Variants in KIF18B observed in about 807,000 individuals in gnomAD.
KIF18B encodes the protein kinesin family member 18B, also known as kinesin-like protein KIF18B.
Under a neutral mutation model 80.9 loss-of-function variants are expected in KIF18B, and 49 were observed. The observed-to-expected ratio is 0.61, with a 90% CI of 0.48 to 0.77. KIF18B has a LOEUF of 0.77. Among genes scored for constraint, KIF18B ranks in the 30% least tolerant of loss-of-function variants. The pLI is 0.00. For synonymous variants in KIF18B, 439 were observed against 463.9 expected (o/e 0.95, Z 0.69); for missense variants, 994 against 1,127.7 (o/e 0.88, Z 1.70).
intron 11 of KIF18B, among the ~76,000 whole-genome samples, chr17:44,929,876 G>A (rs2052110809): frequency 6.6e-6 from 1 of 152,126 alleles, no homozygotes; most frequent in African/African-American, 2.4e-5. Flanking sequence ...AAATGATGAA[G>A]GTAATGAGAT....
At chr17:44,933,148 C>T (rs548065284) in intron 7 of KIF18B, among the ~76,000 whole-genome samples, 162 bp from the exon 8 acceptor site, 31 of 152,222 alleles carry the variant, frequency 2.0e-4, no homozygotes, top group African/African-American at 7.2e-4. Flanking sequence ...TGCCTGAGAC[C>T]ACAGCGAGGG....
At chr17:44,936,626 T>TATA (rs2052316933) in intron 1 of KIF18B, among the ~76,000 whole-genome samples, 2 of 16,202 alleles carry the variant, frequency 1.2e-4, no homozygotes, top group Admixed American at 1.1e-3. Flanking sequence ...ATATATATAT[T>TATA]TTTTTTTTTT....
chr17:44,926,625 A>C, intron 14 of KIF18B, 126 bp from the exon 15 acceptor site: 3 of 920,960 alleles, frequency 3.3e-6, no homozygotes, highest in Middle Eastern at 4.4e-4. Flanking sequence ...GGGCACCAGC[A>C]GGAGCTTCCA....
chr17:44,945,721 A>G (rs1021698518), intron 1 of KIF18B, among the ~76,000 whole-genome samples: 34 of 151,922 alleles, frequency 2.2e-4, no homozygotes, highest in African/African-American at 7.5e-4. Flanking sequence ...CCTGGCCAAC[A>G]CGGTGAAACC....
intron 1 of KIF18B, among the ~76,000 whole-genome samples, chr17:44,939,908 G>C (rs1195307535): frequency 6.6e-6 from 1 of 152,110 alleles, no homozygotes; most frequent in African/African-American, 2.4e-5. Flanking sequence ...CGCCTCCCAG[G>C]TTCTCTTGCC....
rs887473105 is a variant in KIF18B, at chr17:44,927,362, G to A, written c.2277-284C>T. Among the ~76,000 whole-genome samples, 3 of 152,170 alleles carry A rather than the reference G, an allele frequency of 2.0e-5. No individual in the cohort carries two copies. The highest frequency in any genetic ancestry group is 2.1e-4 in the South Asian group (1 of 4,826). ...CCTGCCCAGCTCTGCGCTTGTTACC[G>A]AGAGCTGCTTCTCGGGCTATGGAAT... On this transcript the variant is annotated intron_variant, in intron 13 of 15. Transcript: ENST00000593135. This position sits in a 1 kb window ranked among gnomAD's most constrained non-coding sequence, Gnocchi z 4.1.
chr17:44,935,900 A>C, intron 2 of KIF18B, 132 bp downstream of exon 2: 2 of 751,320 alleles, frequency 2.7e-6, no homozygotes, highest in Non-Finnish European at 4.4e-6. Context: ...ATGATGGGAC[A>C]TTGTACAAAA....
At chr17:44,928,766 G>A (rs1444532224) in intron 12 of KIF18B, 53 bp downstream of exon 12, 38 of 1,568,800 alleles carry the variant, frequency 2.4e-5, no homozygotes, top group Non-Finnish European at 3.2e-5. Context: ...CCCCAGTGGG[G>A]CCTTGAAGAC....
In KIF18B at chr17:44,928,136, G is replaced by T. The variant is rs1197890949; in HGVS notation, c.2166C>A (p.Ala722=). 1.9e-6 allele frequency: 3 copies of T among 1,605,736 alleles called. No individual in the cohort carries two copies. The highest frequency in any genetic ancestry group is 2.6e-6 in the Non-Finnish European group (3 of 1,176,060). ...GAGGCTCCTCAGAGAGATCAAAGGT[G>T]GCATTGAGGTCTCGAGTGGGCAGAG... The part of the protein sequence containing the change: ...PLALPTRDLN[A]TFDLSEEPPS... Residue 722 remains alanine (A), a synonymous_variant, in exon 13 of 16, where the codon GCC becomes GCA. Transcript: ENST00000593135.
Position 44,934,438 on chromosome 17 carries a change from C to A in KIF18B, c.688-8G>T. 1 of 1,604,872 alleles carries A rather than the reference C, an allele frequency of 6.2e-7. No homozygotes were observed. Among genetic ancestry groups the A allele is most frequent in the Non-Finnish European group, 8.5e-7 (1 of 1,174,820 alleles). ...CTGCTGCTTCACAAAGATCTGAAGG[C>A]AGATGGCAGGGGTGAGGGGGAGATG... On this transcript the variant is annotated splice_region_variant and splice_polypyrimidine_tract_variant and intron_variant, in intron 5 of 15. Transcript: ENST00000593135. This position sits in a 1 kb window ranked among gnomAD's most constrained non-coding sequence, Gnocchi z 5.4.
In KIF18B at chr17:44,927,324, T is replaced by C. The variant is rs2052049676; in HGVS notation, c.2277-246A>G. Among the ~76,000 whole-genome samples, 1 of 152,130 alleles carries C rather than the reference T, an allele frequency of 6.6e-6. No homozygotes were observed. The highest frequency in any genetic ancestry group is 2.4e-5 in the African/African-American group (1 of 41,426). ...ACCCGGGGAACTGGAGTTCAAACAA[T>C]TTCACCCTTCCACCTGCCCAGCTCT... On this transcript the variant is annotated intron_variant, in intron 13 of 15. Transcript: ENST00000593135. The surrounding 1 kb of genome is among the most constrained non-coding windows in gnomAD (Gnocchi z 4.1).
At chr17:44,941,376 T>C (rs1470329224) in intron 1 of KIF18B, among the ~76,000 whole-genome samples, 3 of 150,482 alleles carry the variant, frequency 2.0e-5, no homozygotes, top group Non-Finnish European at 4.4e-5. Context: ...TCTCGCTCTG[T>C]CGCCCAGACT....
chr17:44,939,386 A>G lies in KIF18B; in HGVS notation c.-14-3028T>C, dbSNP rs958935928. Among the ~76,000 whole-genome samples the G allele has an allele frequency of 5.3e-5, 8 of 150,760 alleles. No individual in the cohort carries two copies. In the East Asian group the frequency reaches 1.5e-3, roughly 29 times the overall value. On this transcript the variant is annotated intron_variant, in intron 1 of 15. Transcript: ENST00000593135. ...CATCTCAAAAAAAAAAAAAAAAAAA[A>G]AAAAAAGAAACATGAATTTGTTTCT...
At chr17:44,930,223 TG>T (rs2052117741) in intron 11 of KIF18B, among the ~76,000 whole-genome samples, 1 of 152,166 alleles carries the variant, frequency 6.6e-6, no homozygotes, top group Non-Finnish European at 1.5e-5. Flanking sequence ...CATGGGCGTT[TG>T]GGGGAAATAT....
chr17:44,935,418 T>C lies in KIF18B; in HGVS notation c.314-2A>G, dbSNP rs1225834846. ...CCCCGGTGGCCCCGTAGGCAAACAC[T>C]GCAGAGGACATAGTAAGGAGGAGGA... On this transcript the variant is annotated splice_acceptor_variant, in intron 2 of 15. Transcript: ENST00000593135. LOFTEE classifies it high-confidence loss of function. 6.2e-7 allele frequency: 1 copy of C among 1,602,748 alleles called. No homozygotes were observed. Among genetic ancestry groups the C allele is most frequent in the Non-Finnish European group, 8.5e-7 (1 of 1,173,748 alleles).
Position 44,925,474 on chromosome 17 carries a change from G to A in KIF18B, c.*606C>T, listed in dbSNP as rs746440556. On this transcript the variant is annotated 3_prime_UTR_variant, in exon 16 of 16. Transcript: ENST00000593135. Reference sequence around the variant, plus strand: ...AAAAAAAAAAAGATGGGGGAACATGGCAGCACCTTTAAAACAGCAACACGG... The same window carrying A: ...AAAAAAAAAAAGATGGGGGAACATGACAGCACCTTTAAAACAGCAACACGG... The A allele has an allele frequency of 6.7e-6, 1 of 149,304 alleles. No individual in the cohort carries two copies. The highest frequency in any genetic ancestry group is 1.5e-5 in the Non-Finnish European group (1 of 68,228). 9.2% of individuals were successfully genotyped at this position (149,304 alleles called of 1,614,324 possible).
At chr17:44,944,842 G>T (rs55718188) in intron 1 of KIF18B, among the ~76,000 whole-genome samples, 7,376 of 152,152 alleles carry the variant, frequency 0.048, 261 homozygotes, top group Non-Finnish European at 0.079. Flanking sequence ...TTTTCCAAGG[G>T]CATTGTCAAA....
At chr17:44,936,699 G>A (rs144314588) in intron 1 of KIF18B, among the ~76,000 whole-genome samples, 3 of 126,354 alleles carry the variant, frequency 2.4e-5, no homozygotes, top group East Asian at 5.4e-4. Flanking sequence ...GAGTGCAATG[G>A]CATGATCTCG....
At chr17:44,933,117 C>A in intron 7 of KIF18B, 131 bp from the exon 8 acceptor site, 1 of 740,546 alleles carries the variant, frequency 1.4e-6, no homozygotes, top group Admixed American at 2.6e-5. Context: ...TGGGGAGACA[C>A]AGCAGAGAAG....
Sources: gnomAD v4.1 joint callset for allele counts (sites outside exome capture counted in the v4.1 genomes callset) on GRCh38, gnomAD v4.1.1 for gene constraint, Gnocchi (gnomAD v3.1) non-coding constraint, MANE v1.5 for transcripts, NCBI Gene and HGNC (gene_info 2026-07-23, HGNC 2026-07-21) for gene names.